ZNF723: variants seen among roughly 807,000 people sequenced by gnomAD.
ZNF723 encodes the protein zinc finger protein 723.
ZNF723 carries 5 observed loss-of-function variants against 9.4 expected under a neutral mutation model. The observed-to-expected ratio is 0.53, with a 90% CI of 0.28 to 1.12. ZNF723 has a LOEUF of 1.12. Ranked by LOEUF, ZNF723 falls within the 50% of genes most tolerant of loss-of-function variation. The pLI is 0.10. For synonymous variants in ZNF723, 158 were observed against 168.8 expected (o/e 0.94, Z 0.49); for missense variants, 450 against 501.5 (o/e 0.90, Z 0.98).
At chr19:22,854,251 A>C (rs1372224360) in intron 3 of ZNF723, among the ~76,000 whole-genome samples, 1 of 152,162 alleles carries the variant, frequency 6.6e-6, no homozygotes, top group Non-Finnish European at 1.5e-5. Context: ...GACTTAGAAT[A>C]CATTTTATAA....
chr19:22,852,748 C>CAATGTCCCTA (rs1203619987), intron 3 of ZNF723, among the ~76,000 whole-genome samples: 2 of 152,064 alleles, frequency 1.3e-5, no homozygotes, highest in African/African-American at 4.8e-5. Context: ...CAATGCTATG[C>CAATGTCCCTA]AACATATCCC....
At chr19:22,830,552 A>G (rs1347225625), upstream of ZNF723, among the ~76,000 whole-genome samples, 1 of 152,102 alleles carries the variant, frequency 6.6e-6, no homozygotes, top group Non-Finnish European at 1.5e-5. Flanking sequence ...CTTCTAGTGT[A>G]AAAGTATAAT....
intron 3 of ZNF723, among the ~76,000 whole-genome samples, chr19:22,853,956 T>C (rs1175560897): frequency 6.6e-6 from 1 of 152,050 alleles, no homozygotes; most frequent in African/African-American, 2.4e-5. Flanking sequence ...TGTTGAGGAG[T>C]GTTCTCTATA....
intron 1 of ZNF723, among the ~76,000 whole-genome samples, chr19:22,842,066 G>T (rs1354738653): frequency 6.6e-6 from 1 of 152,058 alleles, no homozygotes; most frequent in Non-Finnish European, 1.5e-5. Context: ...GTGCAGTGAC[G>T]CAATCTTTGC....
intron 1 of ZNF723, among the ~76,000 whole-genome samples, chr19:22,837,153 C>T (rs12980796): frequency 0.07 from 10,576 of 151,606 alleles, 666 homozygotes; most frequent in African/African-American, 0.17. Flanking sequence ...ATTAGCTGGG[C>T]GTGGTGGTGT....
chr19:22,846,219 G>A (rs1967307402), intron 1 of ZNF723, among the ~76,000 whole-genome samples: 1 of 152,088 alleles, frequency 6.6e-6, no homozygotes, highest in Admixed American at 6.6e-5. Flanking sequence ...CAAGATTCCT[G>A]TTGGGGAAAA....
At position 22,858,014 on chromosome 19, in the gene ZNF723, G is replaced by A; in HGVS notation, c.1123G>A (p.Gly375Ser). Residue 375 changes from glycine (G) to serine (S), a missense_variant, in exon 4 of 4, where the codon GGC (glycine) becomes AGC (serine). Transcript: ENST00000600766. The part of the protein sequence containing the change: ...GEKPYKCEEC[G>S]KAFKVSVHLT... ...GAAACCCTACAAATGTGAAGAATGT[G>A]GCAAAGCTTTTAAAGTATCTGTACA... The A allele has an allele frequency of 6.5e-7, 1 of 1,544,746 alleles. No individual in the cohort carries two copies. The highest frequency in any genetic ancestry group is 8.9e-7 in the Non-Finnish European group (1 of 1,118,250).
intron 3 of ZNF723, among the ~76,000 whole-genome samples, chr19:22,856,543 A>G (rs538724968): frequency 3.9e-5 from 6 of 152,148 alleles, no homozygotes; most frequent in Non-Finnish European, 8.8e-5. Context: ...TTTCTAGTTA[A>G]AGGAGTTTAT....
At chr19:22,856,585 C>T (rs1363949558) in intron 3 of ZNF723, among the ~76,000 whole-genome samples, 1 of 152,160 alleles carries the variant, frequency 6.6e-6, no homozygotes, top group Non-Finnish European at 1.5e-5. Flanking sequence ...GCTTGCTACA[C>T]CTGTTCCCTG....
At chr19:22,812,657 A>T in the ZNF723 span, among the ~76,000 whole-genome samples, 1 of 152,194 alleles carries the variant, frequency 6.6e-6, no homozygotes, top group African/African-American at 2.4e-5. Flanking sequence ...TGTGACACTC[A>T]TATGCAAACC....
chr19:22,813,128 C>T, the ZNF723 span, among the ~76,000 whole-genome samples: 14 of 152,096 alleles, frequency 9.2e-5, no homozygotes, highest in Admixed American at 2.0e-4. Flanking sequence ...CACCCGCCAC[C>T]ATGCCTGGCT....
the ZNF723 span, among the ~76,000 whole-genome samples, chr19:22,827,202 T>C: frequency 6.6e-6 from 1 of 152,234 alleles, no homozygotes; most frequent in Non-Finnish European, 1.5e-5. Context: ...ATAGAATTTC[T>C]TTTGATTACT....
At chr19:22,819,636 T>A in the ZNF723 span, among the ~76,000 whole-genome samples, 1 of 152,238 alleles carries the variant, frequency 6.6e-6, no homozygotes, top group African/African-American at 2.4e-5. Context: ...GCACTCTTTT[T>A]TACTTTGTGA....
At chr19:22,825,174 T>C in the ZNF723 span, among the ~76,000 whole-genome samples, 7 of 152,180 alleles carry the variant, frequency 4.6e-5, no homozygotes, top group African/African-American at 1.7e-4. Flanking sequence ...CATATGTGGA[T>C]CCCATCCACA....
rs1339030386 is a variant in ZNF723, at chr19:22,833,905, C to A, written c.3+1523C>A. On this transcript the variant is annotated intron_variant, in intron 1 of 3. Coordinates refer to ENST00000600766, the MANE Select transcript of ZNF723 (RefSeq NM_001349726.2). ...ACAGGCGTGAGACACCGCGCCCGGC[C>A]GCTATTTGTTTTTTAGCGTACTTTT... 2.0e-5 allele frequency among the ~76,000 whole-genome samples: 3 copies of A among 149,628 alleles called. No individual in the cohort carries two copies. The South Asian group carries it at 6.4e-4, about 32-fold the overall frequency.
At chr19:22,832,407 C>T in intron 1 of ZNF723, 25 bp downstream of exon 1, 1 of 1,364,844 alleles carries the variant, frequency 7.3e-7, no homozygotes, top group Middle Eastern at 1.9e-4. Flanking sequence ...TCCGACATCC[C>T]GAGAGAGGGG....
chr19:22,823,687 A>G, the ZNF723 span, among the ~76,000 whole-genome samples: 1 of 152,160 alleles, frequency 6.6e-6, no homozygotes, highest in East Asian at 1.9e-4. Flanking sequence ...AGCCCAGCCC[A>G]TAGATGGAAT....
chr19:22,854,602 G>A (rs901987156), intron 3 of ZNF723, among the ~76,000 whole-genome samples: 1 of 149,608 alleles, frequency 6.7e-6, no homozygotes, highest in Admixed American at 6.7e-5. Flanking sequence ...CCTCTTTTGT[G>A]TCTGTTTCAC....
the ZNF723 span, among the ~76,000 whole-genome samples, chr19:22,815,085 CT>C: frequency 6.6e-6 from 1 of 151,938 alleles, no homozygotes; most frequent in East Asian, 1.9e-4. Context: ...TGTGACTCTC[CT>C]TTTCTGCCTG....
Sources: gnomAD v4.1 joint callset for allele counts (sites outside exome capture counted in the v4.1 genomes callset) on GRCh38, gnomAD v4.1.1 for gene constraint, MANE v1.5 for transcripts, NCBI Gene and HGNC (gene_info 2026-07-23, HGNC 2026-07-21) for gene names.